SHPRH: variants seen among roughly 807,000 people sequenced by gnomAD.
SHPRH encodes E3 ubiquitin-protein ligase SHPRH.
Under a neutral mutation model 202.5 loss-of-function variants are expected in SHPRH, and 106 were observed. That is an observed-to-expected ratio of 0.52 (90% CI 0.45 to 0.62). The LOEUF (loss-of-function observed/expected upper bound fraction) is 0.62. SHPRH is among the 20% of genes least tolerant of loss of function. The probability of loss-of-function intolerance (pLI) is 0.00; values close to 1 mark genes in which losing one functional copy is unlikely to be tolerated. For synonymous variants in SHPRH, 729 were observed against 686.0 expected, an observed-to-expected ratio of 1.06 and a Z score of -0.98; for missense variants, 1,710 against 2,020.0, an observed-to-expected ratio of 0.85 and a Z score of 2.94.
chr6:145,939,344 A>G (rs1786486165), intron 11 of SHPRH, among the ~76,000 whole-genome samples: 1 of 152,162 alleles, frequency 6.6e-6, no homozygotes, highest in African/African-American at 2.4e-5. Context: ...AACTTTTCAA[A>G]TGTGGTATTT....
intron 17 of SHPRH, 42 bp from the exon 18 acceptor site, chr6:145,923,827 T>C (rs748187959): frequency 3.2e-6 from 5 of 1,585,492 alleles, no homozygotes; most frequent in African/African-American, 2.7e-5. Context: ...ACATTTTTTT[T>C]AGTACTCACT....
intron 23 of SHPRH, among the ~76,000 whole-genome samples, chr6:145,915,682 T>C (rs894398194): frequency 2.6e-5 from 4 of 152,122 alleles, no homozygotes; most frequent in Non-Finnish European, 5.9e-5. Flanking sequence ...AACATCTCTA[T>C]GTAGCCACCA....
At chr6:145,936,953 T>G (rs1358161984) in intron 11 of SHPRH, among the ~76,000 whole-genome samples, 1 of 150,754 alleles carries the variant, frequency 6.6e-6, no homozygotes, top group Non-Finnish European at 1.5e-5. Flanking sequence ...CTCAAATTCA[T>G]AATCTTTTTG....
At chr6:145,899,362 A>T (rs1782293339) in intron 25 of SHPRH, among the ~76,000 whole-genome samples, 1 of 152,184 alleles carries the variant, frequency 6.6e-6, no homozygotes, top group Admixed American at 6.5e-5. Flanking sequence ...CCAATGGAAC[A>T]GGAGAGAGCC....
rs1787020818 is a variant in SHPRH at position 145,943,508 on chromosome 6, G to C, written c.1873C>G (p.Gln625Glu). The stretch of plus-strand genomic sequence containing the variant: ...GCACAGTCCTCTGTTTCATGTTCTT[G>C]GTTGAATTCAGAGATACATGTACTT... ...SKSTCISEFN[Q>E]EHETEDCAES... The change falls in exon 9 of 30, where the codon CAA becomes GAA. Residue 625 changes from glutamine to glutamate, a missense_variant. By Grantham distance (29) the Gln-to-Glu change is conservative. This residue lies in a region of SHPRH where 348 missense variants were observed against 356.9 expected (regional missense o/e 0.97). Transcript: ENST00000275233. 1 of 1,613,810 alleles carries C rather than the reference G, an allele frequency of 6.2e-7. No individual in the cohort carries two copies. The highest frequency in any genetic ancestry group is 1.3e-5 in the African/African-American group (1 of 74,892).
rs761570347 is a variant in SHPRH, at chr6:145,955,192, C to T, written c.131G>A (p.Cys44Tyr). The stretch of plus-strand genomic sequence containing the variant: ...AGCAGAAGAGGTATCTGAACCTGGG[C>T]AGGGCTGCTCGTCATCATCACTTAT... The part of the protein sequence containing the change: ...IIISDDDEQP[C>Y]PGSDTSSAHY... The change falls in exon 2 of 30, where the codon TGC (cysteine) becomes TAC (tyrosine). Residue 44 changes from cysteine (C) to tyrosine (Y), a missense_variant. Transcript: ENST00000275233. 25 of 1,613,716 alleles carry T rather than the reference C, an allele frequency of 1.5e-5. 2 individuals carry two copies. The South Asian group carries it at 2.3e-4, about 15-fold the overall frequency.
chr6:145,860,925 C>T (rs937765894), downstream of SHPRH, among the ~76,000 whole-genome samples: 6 of 151,992 alleles, frequency 3.9e-5, no homozygotes, highest in African/African-American at 1.2e-4. Context: ...TAAATGGTGT[C>T]GGGAAAATTG....
At chr6:145,881,852 C>T (rs1233347306), downstream of SHPRH, among the ~76,000 whole-genome samples, 2 of 151,764 alleles carry the variant, frequency 1.3e-5, no homozygotes, top group African/African-American at 4.8e-5. Context: ...TACTGTAATC[C>T]CAGCACGTTG....
chr6:145,914,665 T>C (rs1783792529), intron 23 of SHPRH, among the ~76,000 whole-genome samples: 1 of 152,178 alleles, frequency 6.6e-6, no homozygotes, highest in African/African-American at 2.4e-5. Flanking sequence ...TGTCACATAT[T>C]TTTACTTTCA....
At chr6:145,898,314 A>G (rs969326856) in intron 25 of SHPRH, among the ~76,000 whole-genome samples, 4 of 152,178 alleles carry the variant, frequency 2.6e-5, no homozygotes, top group Non-Finnish European at 5.9e-5. Context: ...GAAAACTATG[A>G]AACATTAATA....
intron 8 of SHPRH, 62 bp downstream of exon 8, chr6:145,945,319 A>G: frequency 6.6e-7 from 1 of 1,511,034 alleles, no homozygotes; most frequent in Non-Finnish European, 8.8e-7. Flanking sequence ...GGATCTGTCA[A>G]TGTACTCAGT....
Position 145,886,417 on chromosome 6 carries a change from C to A in SHPRH, c.*274G>T. On this transcript the variant is annotated 3_prime_UTR_variant, in exon 30 of 30. Coordinates refer to ENST00000275233, the MANE Select transcript of SHPRH (RefSeq NM_001042683.3). ...AAAGTACACATTACCTCTCTTAATT[C>A]CCTTGCATCATCAGATATAGATACT... 1 of 765,344 alleles carries A rather than the reference C, an allele frequency of 1.3e-6. No homozygotes were observed. The highest frequency in any genetic ancestry group is 1.4e-5 in the South Asian group (1 of 70,772). 47.4% of individuals were successfully genotyped at this position (765,344 alleles called of 1,614,324 possible).
chr6:145,909,562 G>A (rs1356852282), intron 25 of SHPRH: 1 of 152,092 alleles, frequency 6.6e-6, no homozygotes, highest in African/African-American at 2.4e-5. Flanking sequence ...ACTACTGGTA[G>A]TGAATTTCAA....
rs1788377188 is a variant in SHPRH at position 145,955,172 on chromosome 6, A to C, written c.151T>G (p.Ser51Ala). The change falls in exon 2 of 30, where the codon TCT becomes GCT. Residue 51 changes from serine to alanine, a missense_variant. Ser to Ala is a moderately conservative substitution (Grantham distance 99). Coordinates refer to ENST00000275233, the MANE Select transcript of SHPRH (RefSeq NM_001042683.3). ...EQPCPGSDTS[S>A]AHYIILSDSL... Reference sequence around the variant, plus strand: ...TCACTTAGAATGATATAATGAGCAGAAGAGGTATCTGAACCTGGGCAGGGC... The same window carrying C: ...TCACTTAGAATGATATAATGAGCAGCAGAGGTATCTGAACCTGGGCAGGGC... 6.2e-7 allele frequency: 1 copy of C among 1,613,788 alleles called. No individual in the cohort carries two copies. Among genetic ancestry groups the C allele is most frequent in the Admixed American group, 1.7e-5 (1 of 59,978 alleles).
At chr6:145,887,533 GT>G (rs1220167063) in intron 29 of SHPRH, among the ~76,000 whole-genome samples, 3,342 of 131,058 alleles carry the variant, frequency 0.026, 64 homozygotes, top group African/African-American at 0.089. Flanking sequence ...TAACAAGTTT[GT>G]TTTTTTTTTT....
downstream of SHPRH, among the ~76,000 whole-genome samples, chr6:145,862,461 CAAAAAACAAAAAG>C (rs1481951938): frequency 7.7e-4 from 116 of 150,484 alleles, no homozygotes; most frequent in African/African-American, 2.7e-3. Context: ...ACAACAACAA[CAAAAAACAAAAAG>C]AAAAAACAAA....
chr6:145,870,972 G>T (rs183733623), intron 2 of SHPRH: 2 of 152,186 alleles, frequency 1.3e-5, no homozygotes, highest in Non-Finnish European at 2.9e-5. Context: ...TATCTAAATA[G>T]ATGCAGAAAA....
chr6:145,890,602 G>A (rs1781490239), intron 28 of SHPRH, among the ~76,000 whole-genome samples: 1 of 152,068 alleles, frequency 6.6e-6, no homozygotes, highest in Non-Finnish European at 1.5e-5. Context: ...GAACTTTGGT[G>A]CCCTGGAGTT....
At position 145,914,771 on chromosome 6, in the gene SHPRH, G is replaced by T. The variant is rs7750117; in HGVS notation, c.4255-1222C>A. On this transcript the variant is annotated intron_variant, in intron 23 of 29. Coordinates refer to ENST00000275233, the MANE Select transcript of SHPRH (RefSeq NM_001042683.3). ...TGTCAATTTCTATTAAACTTTTAGG[G>T]ATTTATCCAGTTATCTTTCCATTAC... 5.2e-3 allele frequency among the ~76,000 whole-genome samples: 796 copies of T among 152,138 alleles called. 4 individuals are homozygous for T. Among genetic ancestry groups the T allele is most frequent in the African/African-American group, 0.018 (761 of 41,498 alleles).
Sources: gnomAD v4.1 joint callset for allele counts (sites outside exome capture counted in the v4.1 genomes callset) on GRCh38, gnomAD v4.1.1 for gene constraint, gnomAD v4.1.1 regional missense constraint, MANE v1.5 for transcripts, NCBI Gene and HGNC (gene_info 2026-07-23, HGNC 2026-07-21) for gene names.